ALPK1: variants seen among roughly 807,000 people sequenced by gnomAD.
The protein encoded by ALPK1 is alpha-protein kinase 1.
In ALPK1, 110 loss-of-function variants were observed where a neutral mutation model predicts 120.6. The observed-to-expected ratio is 0.91, with a 90% confidence interval of 0.78 to 1.07. The LOEUF is 1.07. ALPK1 is among the 50% of genes least tolerant of loss of function. The probability of loss-of-function intolerance (pLI) is 0.00; values close to 1 mark genes in which losing one functional copy is unlikely to be tolerated. For synonymous variants in ALPK1, 582 were observed against 560.3 expected (o/e 1.04, Z -0.55); for missense variants, 1,498 against 1,483.9 (o/e 1.01, Z -0.16).
chr4:112,350,039 T>C (rs1351684901), intron 2 of ALPK1, among the ~76,000 whole-genome samples: 1 of 152,174 alleles, frequency 6.6e-6, no homozygotes, highest in Admixed American at 6.5e-5. Flanking sequence ...GAAATTTAAA[T>C]CTAGGAAGCC....
At chr4:112,302,855 A>G (rs1373214658) in intron 1 of ALPK1, among the ~76,000 whole-genome samples, 1 of 152,032 alleles carries the variant, frequency 6.6e-6, no homozygotes, top group Non-Finnish European at 1.5e-5. Context: ...CCTCGGCTCC[A>G]TTTCTTCACC....
chr4:112,368,198 A>G (rs1731242279), intron 2 of ALPK1, among the ~76,000 whole-genome samples: 1 of 152,354 alleles, frequency 6.6e-6, no homozygotes, highest in East Asian at 1.9e-4. Context: ...GATTACAGGC[A>G]TGAGCCACTG....
Position 112,377,938 on chromosome 4 carries a change from G to A in ALPK1, c.121+40G>A, listed in dbSNP as rs201029173. 6 of 1,574,888 alleles carry A rather than the reference G, an allele frequency of 3.8e-6. No individual in the cohort carries two copies. The Admixed American group carries it at 8.6e-5, about 23-fold the overall frequency. ...GGAGGCACCAGGGGTGAACCAGCAG[G>A]TTCACTCTCCTGTCCCCTGCCTGAA... On this transcript the variant is annotated intron_variant, in intron 3 of 15. Coordinates refer to ENST00000650871, the MANE Select transcript of ALPK1 (RefSeq NM_025144.4).
chr4:112,427,649 A>G lies in ALPK1; in HGVS notation c.779A>G (p.Asn260Ser), dbSNP rs779204222. ...AACGATTATGAAAAGTTTAAAAACAATCCACAAATTAATTTGGTAATTATC... is the reference window on the plus strand; with the variant it reads ...AACGATTATGAAAAGTTTAAAAACAGTCCACAAATTAATTTGGTAATTATC... ...SKNDYEKFKN[N>S]PQINLSLLKE... Residue 260 changes from asparagine (N) to serine (S), a missense_variant, in exon 9 of 16, where the codon AAT becomes AGT. Coordinates refer to ENST00000650871, the MANE Select transcript of ALPK1 (RefSeq NM_025144.4). 1.2e-6 allele frequency: 2 copies of G among 1,612,646 alleles called. No individual in the cohort carries two copies. Among genetic ancestry groups the G allele is most frequent in the South Asian group, 2.2e-5 (2 of 91,056 alleles).
chr4:112,336,010 C>CCAAG (rs1202244606), intron 2 of ALPK1, among the ~76,000 whole-genome samples: 4 of 152,092 alleles, frequency 2.6e-5, no homozygotes, highest in Admixed American at 2.6e-4. Flanking sequence ...AACCAACCAA[C>CCAAG]CAACCAACCA....
intron 2 of ALPK1, chr4:112,359,704 C>T (rs145341824): frequency 5.9e-5 from 15 of 256,404 alleles, no homozygotes; most frequent in South Asian, 1.3e-4. Context: ...AGCCAGTCCC[C>T]TGGACTTTCC....
At chr4:112,392,139 A>T (rs1303923653) in intron 4 of ALPK1, among the ~76,000 whole-genome samples, 1 of 152,228 alleles carries the variant, frequency 6.6e-6, no homozygotes, top group Non-Finnish European at 1.5e-5. Flanking sequence ...TGTGGTAAAT[A>T]GTACAGTCAA....
intron 12 of ALPK1, among the ~76,000 whole-genome samples, chr4:112,436,643 C>T (rs1734801890): frequency 6.6e-6 from 1 of 152,192 alleles, no homozygotes; most frequent in African/African-American, 2.4e-5. Context: ...AGAGAACTGC[C>T]AGAAGCTGGG....
At chr4:112,433,883 T>C (rs1421888411) in intron 11 of ALPK1, among the ~76,000 whole-genome samples, 3 of 152,128 alleles carry the variant, frequency 2.0e-5, no homozygotes, top group African/African-American at 7.2e-5. Flanking sequence ...GAGATTTCCA[T>C]CTAATGGGTC....
chr4:112,441,069 C>A lies in ALPK1; in HGVS notation c.3691C>A (p.Arg1231Ser). Reference protein sequence around the residue: ...QHVECNEICHRLSLTRPSMEK... With the variant: ...QHVECNEICHSLSLTRPSMEK... ...TGTGGAATGTAATGAAATCTGCCATCGTCTTTCTTTGACTAGACCTTCAAT... is the reference window on the plus strand; with the variant it reads ...TGTGGAATGTAATGAAATCTGCCATAGTCTTTCTTTGACTAGACCTTCAAT... Residue 1231 changes from arginine (R) to serine (S), a missense_variant, in exon 15 of 16, where the codon CGT becomes AGT. Arg to Ser is a moderately radical substitution (Grantham distance 110, BLOSUM62 -1). Transcript: ENST00000650871. 6.2e-7 allele frequency: 1 copy of A among 1,613,810 alleles called. No individual in the cohort carries two copies. The highest frequency in any genetic ancestry group is 1.1e-5 in the South Asian group (1 of 91,062).
intron 2 of ALPK1, among the ~76,000 whole-genome samples, chr4:112,370,987 G>A (rs564455169): frequency 8.0e-4 from 122 of 152,202 alleles, no homozygotes; most frequent in African/African-American, 2.5e-3. Flanking sequence ...TCTCTTCTAC[G>A]CTTCTTGTCT....
At chr4:112,414,387 A>G (rs887469877) in intron 5 of ALPK1, 1 of 445,310 alleles carries the variant, frequency 2.2e-6, no homozygotes, top group Admixed American at 2.4e-5. Context: ...CGGGTGGATC[A>G]CCTGAAGTCA....
intron 2 of ALPK1, among the ~76,000 whole-genome samples, chr4:112,368,062 C>T (rs545281156): frequency 1.3e-5 from 2 of 152,034 alleles, no homozygotes; most frequent in African/African-American, 2.4e-5. Context: ...TGCACCACCA[C>T]GCGCACCACC....
At chr4:112,328,485 T>G (rs1257316453) in intron 2 of ALPK1, among the ~76,000 whole-genome samples, 2 of 152,228 alleles carry the variant, frequency 1.3e-5, no homozygotes, top group African/African-American at 2.4e-5. Context: ...ATACTCTCCC[T>G]TGCTGCTTGT....
chr4:112,377,701 C>G lies in ALPK1; in HGVS notation c.-77C>G, dbSNP rs1349995146. The G allele has an allele frequency of 1.4e-6, 2 of 1,395,500 alleles. No individual in the cohort carries two copies. Among genetic ancestry groups the G allele is most frequent in the East Asian group, 5.2e-5 (2 of 38,118 alleles). The allele number at this position is 1,395,500 out of a possible 1,614,324, so 86.4% of individuals were successfully genotyped here. ...AGGTACTTCGGCCTTCAAGGGGCTC[C>G]TTTATTGAGAATCAATGTCTTCTCC... On this transcript the variant is annotated 5_prime_UTR_variant, in exon 3 of 16. Coordinates refer to ENST00000650871, the MANE Select transcript of ALPK1 (RefSeq NM_025144.4).
intron 10 of ALPK1, among the ~76,000 whole-genome samples, chr4:112,430,134 C>T (rs1046310764): frequency 6.6e-6 from 1 of 152,150 alleles, no homozygotes; most frequent in Admixed American, 6.5e-5. Flanking sequence ...TTAAAACTAA[C>T]AACAGCAACA....
intron 2 of ALPK1, among the ~76,000 whole-genome samples, chr4:112,366,309 G>A (rs1327611032): frequency 6.6e-6 from 1 of 151,162 alleles, no homozygotes; most frequent in Non-Finnish European, 1.5e-5. Flanking sequence ...ATCCAACAAG[G>A]GACTAATTTC....
At chr4:112,303,526 C>T (rs1251246670) in intron 1 of ALPK1, among the ~76,000 whole-genome samples, 1 of 152,148 alleles carries the variant, frequency 6.6e-6, no homozygotes, top group East Asian at 1.9e-4. Context: ...TCTACCATAT[C>T]GATCCATTCT....
In ALPK1 at chr4:112,312,315, C is replaced by A. The variant is rs557283202; in HGVS notation, c.-152-3486C>A. 9.9e-5 allele frequency among the ~76,000 whole-genome samples: 15 copies of A among 152,024 alleles called. No homozygotes were observed. In the South Asian group the frequency reaches 3.1e-3, roughly 32 times the overall value. On this transcript the variant is annotated intron_variant, in intron 1 of 15. Coordinates refer to ENST00000650871, the MANE Select transcript of ALPK1 (RefSeq NM_025144.4). ...TTGAGATGGAGTCTTGCTCTGTCGCCCAGGCTGGAGTGCAGTGGCCTGATC... is the reference window on the plus strand; with the variant it reads ...TTGAGATGGAGTCTTGCTCTGTCGCACAGGCTGGAGTGCAGTGGCCTGATC...
Sources: gnomAD v4.1 joint callset for allele counts (sites outside exome capture counted in the v4.1 genomes callset) on GRCh38, gnomAD v4.1.1 for gene constraint, MANE v1.5 for transcripts, NCBI Gene and HGNC (gene_info 2026-07-23, HGNC 2026-07-21) for gene names.